The following ANKRD45 variants were observed in gnomAD, a reference collection of about 807,000 sequenced individuals.
ANKRD45 encodes the protein ankyrin repeat domain 45, also known as ankyrin repeat domain-containing protein 45.
ANKRD45 carries 21 observed loss-of-function variants against 28.1 expected under a neutral mutation model. That is an observed-to-expected ratio of 0.75 (90% CI 0.53 to 1.08). The LOEUF is 1.08. Ranked by LOEUF, ANKRD45 falls within the 50% of genes least tolerant of loss-of-function variation. ANKRD45 has a pLI of 0.00. For missense variants in ANKRD45, 261 were observed against 308.7 expected (o/e 0.85, Z 1.16); for synonymous variants, 86 against 103.9 (o/e 0.83, Z 1.05).
chr1:173,620,585 C>G (rs1298930485), intron 5 of ANKRD45, among the ~76,000 whole-genome samples: 1 of 152,152 alleles, frequency 6.6e-6, no homozygotes, highest in Non-Finnish European at 1.5e-5. Flanking sequence ...GAACATCACA[C>G]TCTGGGGACT....
At chr1:173,696,981 T>C in the ANKRD45 span, among the ~76,000 whole-genome samples, 303 of 152,150 alleles carry the variant, frequency 2.0e-3, 1 homozygote, top group African/African-American at 6.9e-3. Flanking sequence ...AATGACCTGA[T>C]AGAGCTGAAA....
At chr1:173,625,027 T>C (rs1461730044) in intron 4 of ANKRD45, 102 bp from the exon 5 acceptor site, 18 of 1,240,116 alleles carry the variant, frequency 1.5e-5, no homozygotes, top group Non-Finnish European at 2.0e-5. Flanking sequence ...TCTGTGATGA[T>C]AGAAATATTC....
the ANKRD45 span, among the ~76,000 whole-genome samples, chr1:173,698,918 G>A: frequency 1.3e-5 from 2 of 151,136 alleles, no homozygotes; most frequent in African/African-American, 2.4e-5. Flanking sequence ...AATTGATAGA[G>A]TGATAGCAAG....
At chr1:173,710,953 T>C in the ANKRD45 span, among the ~76,000 whole-genome samples, 2 of 151,854 alleles carry the variant, frequency 1.3e-5, no homozygotes, top group African/African-American at 2.4e-5. Flanking sequence ...AACAGTGAGC[T>C]GTGATTGCAC....
intron 5 of ANKRD45, chr1:173,612,879 T>G (rs960884130): frequency 5.8e-6 from 1 of 172,742 alleles, no homozygotes; most frequent in Non-Finnish European, 1.2e-5. Context: ...AGACGGAGTC[T>G]CCTTCACTCA....
the ANKRD45 span, among the ~76,000 whole-genome samples, chr1:173,709,678 C>T: frequency 3.4e-4 from 51 of 151,856 alleles, no homozygotes; most frequent in Non-Finnish European, 8.8e-5. Context: ...GTTGCCCAGG[C>T]TGAAGTGTAA....
At chr1:173,617,126 T>A (rs564995059) in intron 5 of ANKRD45, among the ~76,000 whole-genome samples, 1 of 152,190 alleles carries the variant, frequency 6.6e-6, no homozygotes, top group South Asian at 2.1e-4. Context: ...CAGACCTATG[T>A]GGAGTCTTGG....
intron 4 of ANKRD45, among the ~76,000 whole-genome samples, chr1:173,626,404 G>A (rs183073941): frequency 6.6e-6 from 1 of 152,232 alleles, no homozygotes; most frequent in African/African-American, 2.4e-5. Flanking sequence ...TGTGTTTACA[G>A]CTGTGTATCT....
At chr1:173,646,481 A>G (rs1668928848) in intron 3 of ANKRD45, among the ~76,000 whole-genome samples, 1 of 152,242 alleles carries the variant, frequency 6.6e-6, no homozygotes, top group South Asian at 2.1e-4. Flanking sequence ...TTACTCAAAT[A>G]TGCTATTTTT....
At chr1:173,656,010 A>G (rs1257007446) in intron 2 of ANKRD45, among the ~76,000 whole-genome samples, 1 of 152,214 alleles carries the variant, frequency 6.6e-6, no homozygotes, top group Non-Finnish European at 1.5e-5. Flanking sequence ...ACAGTGTATC[A>G]TGGCTTCCCT....
chr1:173,630,844 A>AG (rs1491037704), intron 3 of ANKRD45, among the ~76,000 whole-genome samples: 4 of 134,400 alleles, frequency 3.0e-5, no homozygotes, highest in East Asian at 3.9e-4. Context: ...AAAAAAAAAA[A>AG]AGAGAGAGAG....
At chr1:173,610,870 A>C (rs1055366994) in intron 5 of ANKRD45, among the ~76,000 whole-genome samples, 5 of 152,150 alleles carry the variant, frequency 3.3e-5, no homozygotes, top group African/African-American at 1.2e-4. Context: ...GGTCTTAATT[A>C]TCTCACTCTT....
At chr1:173,669,677 G>A (rs537231728) in intron 1 of ANKRD45, 140 bp downstream of exon 1, 6 of 352,570 alleles carry the variant, frequency 1.7e-5, no homozygotes, top group African/African-American at 4.3e-5. Flanking sequence ...CTGGACAGAA[G>A]CAGTGTGAGG....
At chr1:173,626,665 C>G (rs983329772) in intron 4 of ANKRD45, among the ~76,000 whole-genome samples, 1 of 152,062 alleles carries the variant, frequency 6.6e-6, no homozygotes, top group Admixed American at 6.6e-5. Flanking sequence ...GTGCTTATCC[C>G]TTTGCTTGGC....
chr1:173,672,976 C>A (rs370102997), upstream of ANKRD45, among the ~76,000 whole-genome samples: 11 of 152,172 alleles, frequency 7.2e-5, no homozygotes, highest in East Asian at 1.9e-3. Flanking sequence ...CTATTCAAAC[C>A]CCCCAGAAAT....
intron 3 of ANKRD45, chr1:173,635,796 T>C (rs1218096055): frequency 2.6e-6 from 4 of 1,535,388 alleles, no homozygotes; most frequent in Admixed American, 3.9e-5. Context: ...GTCTTATTTG[T>C]TTTGTCTGTG....
At chr1:173,701,199 G>C in the ANKRD45 span, among the ~76,000 whole-genome samples, 4 of 152,306 alleles carry the variant, frequency 2.6e-5, no homozygotes, top group East Asian at 7.7e-4. Flanking sequence ...GGAGAAATTG[G>C]AACACTTTTA....
chr1:173,678,439 A>G, the ANKRD45 span, among the ~76,000 whole-genome samples: 1 of 152,334 alleles, frequency 6.6e-6, no homozygotes, highest in Admixed American at 6.5e-5. Context: ...AATCCATCAC[A>G]TAAACAGAAC....
intron 1 of ANKRD45, chr1:173,669,495 C>T (rs1191041545): frequency 2.2e-6 from 1 of 455,952 alleles, no homozygotes; most frequent in Admixed American, 2.3e-5. Context: ...AAAGAGAAGG[C>T]CTGAGGAACA....
Sources: allele counts gnomAD v4.1 joint callset (sites outside exome capture counted in the v4.1 genomes callset), GRCh38; gene constraint gnomAD v4.1.1; transcripts MANE v1.5; gene names NCBI Gene and HGNC (gene_info 2026-07-23, HGNC 2026-07-21).